CNTN4: variants seen among roughly 807,000 people sequenced by gnomAD.
The protein encoded by CNTN4 is contactin 4, also known as contactin-4.
Under a neutral mutation model 122.5 loss-of-function variants are expected in CNTN4, and 77 were observed. That is an observed-to-expected ratio of 0.63 (90% CI 0.52 to 0.76). The LOEUF is 0.76. Ranked by LOEUF, CNTN4 falls within the 30% of genes least tolerant of loss-of-function variation. The pLI, the probability that CNTN4 is intolerant of heterozygous loss-of-function variation, is 0.00. For missense variants in CNTN4, 1,256 were observed against 1,259.1 expected (o/e 1.00, Z 0.04); for synonymous variants, 512 against 447.0 (o/e 1.15, Z -1.83).
intron 7 of CNTN4, among the ~76,000 whole-genome samples, chr3:2,837,967 C>G (rs575624959): frequency 6.6e-6 from 1 of 152,180 alleles, no homozygotes; most frequent in Non-Finnish European, 1.5e-5. Context: ...TAAGTCATCT[C>G]ATCATGTACT....
At chr3:2,275,605 ATG>A (rs1458119195) in intron 2 of CNTN4, among the ~76,000 whole-genome samples, 2 of 152,084 alleles carry the variant, frequency 1.3e-5, no homozygotes, top group East Asian at 3.9e-4. Flanking sequence ...ATGTTCTTTC[ATG>A]TGTTTATTTT....
chr3:2,189,622 CA>C (rs938728612), intron 2 of CNTN4, among the ~76,000 whole-genome samples: 1 of 151,910 alleles, frequency 6.6e-6, no homozygotes, highest in Admixed American at 6.6e-5. Flanking sequence ...CCCTGAAAAA[CA>C]AAAAAAGAAT....
At chr3:2,183,183 A>G (rs1318962260) in intron 2 of CNTN4, among the ~76,000 whole-genome samples, 1 of 119,036 alleles carries the variant, frequency 8.4e-6, no homozygotes, top group African/African-American at 3.3e-5. Context: ...TAAAATCTTT[A>G]ACAGCTATTA....
intron 2 of CNTN4, among the ~76,000 whole-genome samples, chr3:2,172,500 A>G (rs1301866779): frequency 6.6e-6 from 1 of 152,154 alleles, no homozygotes; most frequent in Non-Finnish European, 1.5e-5. Flanking sequence ...ATCACCACTG[A>G]AGGACTTATC....
At chr3:2,772,353 T>C (rs2091140404) in intron 6 of CNTN4, among the ~76,000 whole-genome samples, 1 of 151,780 alleles carries the variant, frequency 6.6e-6, no homozygotes, top group Non-Finnish European at 1.5e-5. Context: ...AAAATACTTT[T>C]GTGGTGAAAT....
intron 7 of CNTN4, among the ~76,000 whole-genome samples, chr3:2,844,309 A>G (rs1256460254): frequency 6.6e-6 from 1 of 152,202 alleles, no homozygotes; most frequent in Non-Finnish European, 1.5e-5. Context: ...TATTTATTGC[A>G]GATTTGCAGA....
chr3:2,326,485 TACACACACACAC>T (rs10557917), intron 2 of CNTN4, among the ~76,000 whole-genome samples: 4,365 of 126,002 alleles, frequency 0.035, 82 homozygotes, highest in African/African-American at 0.048. Flanking sequence ...CTAATAAATT[TACACACACACAC>T]ACACACACAC....
chr3:2,140,891 T>C (rs1005860800), intron 2 of CNTN4, among the ~76,000 whole-genome samples: 6 of 152,196 alleles, frequency 3.9e-5, no homozygotes, highest in African/African-American at 1.4e-4. Context: ...GACTGTTTCA[T>C]TGTGTCGGAA....
chr3:2,258,756 T>C (rs1469683395), intron 2 of CNTN4, among the ~76,000 whole-genome samples: 1 of 152,092 alleles, frequency 6.6e-6, no homozygotes, highest in Non-Finnish European at 1.5e-5. Context: ...TCTCATGTCT[T>C]AGTCTGAGTT....
intron 4 of CNTN4, among the ~76,000 whole-genome samples, chr3:2,681,088 G>A (rs2085138954): frequency 6.6e-6 from 1 of 152,214 alleles, no homozygotes; most frequent in Non-Finnish European, 1.5e-5. Flanking sequence ...AATGGGGGTT[G>A]TGCCTTGTAT....
intron 4 of CNTN4, among the ~76,000 whole-genome samples, chr3:2,717,896 G>A (rs1413814649): frequency 2.0e-5 from 3 of 151,924 alleles, no homozygotes; most frequent in Non-Finnish European, 4.4e-5. Flanking sequence ...CATTTGATTT[G>A]CATGTCTCTA....
chr3:2,816,054 C>G (rs774263503), intron 6 of CNTN4, among the ~76,000 whole-genome samples: 26 of 151,828 alleles, frequency 1.7e-4, no homozygotes, highest in Non-Finnish European at 2.9e-4. Context: ...GACGCAAAGG[C>G]ATAAAAATGA....
chr3:2,534,561 C>T (rs376381834), intron 3 of CNTN4, among the ~76,000 whole-genome samples: 7 of 152,028 alleles, frequency 4.6e-5, no homozygotes, highest in South Asian at 2.1e-4. Flanking sequence ...CTGTGTTGAG[C>T]GGAGATCTTA....
At chr3:2,916,024 G>C (rs919033470) in intron 12 of CNTN4, among the ~76,000 whole-genome samples, 5 of 152,186 alleles carry the variant, frequency 3.3e-5, no homozygotes, top group African/African-American at 1.2e-4. Flanking sequence ...GGCTGGGAGA[G>C]AGGAGGAGGA....
intron 3 of CNTN4, among the ~76,000 whole-genome samples, chr3:2,342,384 A>C (rs1310328305): frequency 6.6e-6 from 1 of 152,210 alleles, no homozygotes; most frequent in African/African-American, 2.4e-5. Context: ...TAGCAATATG[A>C]AGTACTGATA....
intron 4 of CNTN4, among the ~76,000 whole-genome samples, chr3:2,718,346 A>G (rs1036325680): frequency 9.9e-5 from 15 of 152,160 alleles, no homozygotes; most frequent in Non-Finnish European, 1.5e-4. Flanking sequence ...ATATTTATAA[A>G]TATCTCTATT....
At chr3:2,291,636 T>C (rs2042138818) in intron 2 of CNTN4, among the ~76,000 whole-genome samples, 1 of 145,958 alleles carries the variant, frequency 6.9e-6, no homozygotes, top group Non-Finnish European at 1.5e-5. Flanking sequence ...GAAGTCCTTA[T>C]GATAAAGTAT....
chr3:3,002,867 A>G (rs1427329577), intron 14 of CNTN4, among the ~76,000 whole-genome samples: 1 of 152,236 alleles, frequency 6.6e-6, no homozygotes, highest in Non-Finnish European at 1.5e-5. Flanking sequence ...TTTATTTTAC[A>G]TGCATCAGGT....
chr3:2,813,849 C>T (rs1419375182), intron 6 of CNTN4, among the ~76,000 whole-genome samples: 1 of 152,132 alleles, frequency 6.6e-6, no homozygotes, highest in African/African-American at 2.4e-5. Context: ...CTCTAATTTA[C>T]TCCATGGCCT....
Sources: allele counts gnomAD v4.1 joint callset (sites outside exome capture counted in the v4.1 genomes callset), GRCh38; gene constraint gnomAD v4.1.1; transcripts MANE v1.5; gene names NCBI Gene and HGNC (gene_info 2026-07-23, HGNC 2026-07-21).